ANO3: variants seen among roughly 807,000 people sequenced by gnomAD.
The protein encoded by ANO3 is anoctamin-3.
Under a neutral mutation model 144.8 loss-of-function variants are expected in ANO3, and 99 were observed. The observed-to-expected ratio is 0.68, with a 90% CI of 0.58 to 0.81. The LOEUF is 0.81. ANO3 is among the 30% of genes least tolerant of loss of function. The probability of loss-of-function intolerance (pLI) is 0.00; values close to 1 mark genes in which losing one functional copy is unlikely to be tolerated. For missense variants in ANO3, 905 were observed against 1,202.2 expected (o/e 0.75, Z 3.66); for synonymous variants, 414 against 392.6 (o/e 1.05, Z -0.64).
chr11:26,514,720 T>C (rs966162114), intron 5 of ANO3, among the ~76,000 whole-genome samples: 6 of 152,102 alleles, frequency 3.9e-5, no homozygotes, highest in South Asian at 4.1e-4. Context: ...GTCATCATCT[T>C]ACCTAAGAAC....
intron 1 of ANO3, among the ~76,000 whole-genome samples, chr11:26,234,995 G>A (rs924880755): frequency 8.8e-6 from 1 of 114,208 alleles, no homozygotes; most frequent in Non-Finnish European, 2.0e-5. Context: ...GAGAGAGAGA[G>A]AAAAGAAAGA....
chr11:26,586,265 C>T (rs1204056688), intron 14 of ANO3, among the ~76,000 whole-genome samples: 1 of 151,676 alleles, frequency 6.6e-6, no homozygotes, highest in Admixed American at 6.6e-5. Context: ...ATATGTAAAT[C>T]CCCCTGATTC....
chr11:26,557,182 C>G (rs191468828), intron 13 of ANO3, among the ~76,000 whole-genome samples: 300 of 152,202 alleles, frequency 2.0e-3, no homozygotes, highest in African/African-American at 6.5e-3. Flanking sequence ...GTTGAACAAG[C>G]CAGGCGCGGT....
At chr11:26,499,626 C>T (rs1348850066) in intron 4 of ANO3, among the ~76,000 whole-genome samples, 6 of 151,490 alleles carry the variant, frequency 4.0e-5, no homozygotes, top group African/African-American at 1.5e-4. Flanking sequence ...TATTCTGTTT[C>T]TATTTCTATA....
chr11:26,391,698 T>C (rs951615194), intron 1 of ANO3, among the ~76,000 whole-genome samples: 2 of 152,116 alleles, frequency 1.3e-5, no homozygotes, highest in African/African-American at 4.8e-5. Context: ...TCTTGTTCGT[T>C]GTTTAGAACT....
chr11:26,209,952 G>C (rs549491727), intron 1 of ANO3, among the ~76,000 whole-genome samples: 2 of 150,604 alleles, frequency 1.3e-5, no homozygotes, highest in Non-Finnish European at 3.0e-5. Flanking sequence ...GTTCACTCAT[G>C]GTAGTTTCTT....
chr11:26,222,824 G>T (rs1448534383), intron 1 of ANO3, among the ~76,000 whole-genome samples: 4 of 152,154 alleles, frequency 2.6e-5, no homozygotes, highest in African/African-American at 9.7e-5. Flanking sequence ...AGCCTCTCAG[G>T]GTGGTGTAGG....
At chr11:26,198,305 G>A (rs1391822418) in intron 1 of ANO3, among the ~76,000 whole-genome samples, 2 of 152,080 alleles carry the variant, frequency 1.3e-5, no homozygotes, top group Admixed American at 6.6e-5. Flanking sequence ...CTGTTTCTAA[G>A]TGGAAATTTT....
chr11:26,635,628 C>T (rs1215655518), intron 20 of ANO3, among the ~76,000 whole-genome samples: 5 of 152,166 alleles, frequency 3.3e-5, no homozygotes, highest in African/African-American at 4.8e-5. Flanking sequence ...GAGCCTGCTT[C>T]TTCAGTATTT....
chr11:26,554,643 C>T (rs1323013111), intron 13 of ANO3, among the ~76,000 whole-genome samples: 2 of 152,090 alleles, frequency 1.3e-5, no homozygotes, highest in South Asian at 2.1e-4. Flanking sequence ...TTTCTGTGTA[C>T]GCTACCCAAG....
intron 4 of ANO3, among the ~76,000 whole-genome samples, chr11:26,481,917 T>C (rs988009176): frequency 2.6e-5 from 4 of 152,124 alleles, no homozygotes; most frequent in African/African-American, 9.7e-5. Flanking sequence ...TTTTGGAGAC[T>C]ATGTCTCACT....
chr11:26,480,678 C>T (rs1200294275), intron 4 of ANO3, among the ~76,000 whole-genome samples: 1 of 151,804 alleles, frequency 6.6e-6, no homozygotes, highest in Non-Finnish European at 1.5e-5. Flanking sequence ...CGTGGTGGCT[C>T]GTACCTGTAG....
At chr11:26,642,342 C>CTTTTTT (rs576729432) in intron 22 of ANO3, among the ~76,000 whole-genome samples, 11 of 93,058 alleles carry the variant, frequency 1.2e-4, no homozygotes, top group African/African-American at 2.1e-4. Flanking sequence ...TTCTTTCTTT[C>CTTTTTT]TTTTTTTTTT....
intron 1 of ANO3, among the ~76,000 whole-genome samples, chr11:26,439,274 T>G (rs1035485950): frequency 3.3e-5 from 5 of 152,198 alleles, no homozygotes; most frequent in Non-Finnish European, 7.3e-5. Flanking sequence ...AATGGTTTCA[T>G]AGATACAGCA....
intron 17 of ANO3, among the ~76,000 whole-genome samples, chr11:26,605,486 G>T (rs540751117): frequency 6.6e-6 from 1 of 152,268 alleles, no homozygotes; most frequent in South Asian, 2.1e-4. Context: ...GTTTGGAATA[G>T]TTACAGAAGG....
chr11:26,612,340 A>G (rs1214486207), intron 17 of ANO3, among the ~76,000 whole-genome samples: 1 of 151,246 alleles, frequency 6.6e-6, no homozygotes, highest in Non-Finnish European at 1.5e-5. Flanking sequence ...TTATTTTAAG[A>G]TTTATTATTT....
chr11:26,556,000 G>A (rs954917893), intron 13 of ANO3, among the ~76,000 whole-genome samples: 7 of 152,034 alleles, frequency 4.6e-5, no homozygotes, highest in African/African-American at 1.7e-4. Flanking sequence ...GGCCATGTGT[G>A]TACATATAAT....
At chr11:26,348,470 C>G (rs1459682033) in intron 1 of ANO3, among the ~76,000 whole-genome samples, 1 of 152,048 alleles carries the variant, frequency 6.6e-6, no homozygotes, top group East Asian at 1.9e-4. Context: ...GGAACTCTTA[C>G]CATATTTTAC....
intron 3 of ANO3, among the ~76,000 whole-genome samples, chr11:26,454,770 A>T (rs1043531571): frequency 2.0e-5 from 3 of 152,050 alleles, no homozygotes; most frequent in Non-Finnish European, 4.4e-5. Context: ...GACACAACAA[A>T]AAAAGAGAAT....
Sources: gnomAD v4.1 joint callset for allele counts (sites outside exome capture counted in the v4.1 genomes callset) on GRCh38, gnomAD v4.1.1 for gene constraint, MANE v1.5 for transcripts, NCBI Gene and HGNC (gene_info 2026-07-23, HGNC 2026-07-21) for gene names.